Variants in PPP2R2C observed in about 807,000 individuals in gnomAD.
PPP2R2C encodes protein phosphatase 2, regulatory subunit B, gamma.
A neutral mutation model predicts 45.3 loss-of-function variants in PPP2R2C; 10 were observed. The ratio of observed to expected loss-of-function variants is 0.22; its 90% CI spans 0.14 to 0.37. PPP2R2C has a LOEUF of 0.37. Ranked by LOEUF, PPP2R2C falls within the 10% of genes least tolerant of loss-of-function variation. The pLI is 1.00. For synonymous variants in PPP2R2C, 257 were observed against 245.4 expected, an observed-to-expected ratio of 1.05 and a Z score of -0.44; for missense variants, 308 against 619.7, an observed-to-expected ratio of 0.50 and a Z score of 5.34.
intron 1 of PPP2R2C, among the ~76,000 whole-genome samples, chr4:6,540,478 G>C (rs2108831217): frequency 1.3e-5 from 2 of 152,356 alleles, no homozygotes; most frequent in Middle Eastern, 6.8e-3. Flanking sequence ...TTCATCAGTT[G>C]ATGGACATTT....
At chr4:6,389,961 TTGG>T (rs1036160760) in intron 1 of PPP2R2C, among the ~76,000 whole-genome samples, 4 of 151,820 alleles carry the variant, frequency 2.6e-5, no homozygotes, top group African/African-American at 7.3e-5. Flanking sequence ...GGCTGAGGAG[TTGG>T]TGAAGGAGAA....
chr4:6,428,652 G>C (rs1236507793), intron 1 of PPP2R2C, among the ~76,000 whole-genome samples: 1 of 152,184 alleles, frequency 6.6e-6, no homozygotes, highest in Non-Finnish European at 1.5e-5. Flanking sequence ...AACTCAAGAG[G>C]GCCTGATGAA....
chr4:6,484,851 A>T (rs1332298108), intron 2 of PPP2R2C, among the ~76,000 whole-genome samples: 1 of 151,952 alleles, frequency 6.6e-6, no homozygotes, highest in Non-Finnish European at 1.5e-5. Context: ...TTCTACATAA[A>T]TAATCATGTC....
intron 2 of PPP2R2C, among the ~76,000 whole-genome samples, chr4:6,495,512 C>G (rs749878521): frequency 1.3e-5 from 2 of 152,232 alleles, no homozygotes; most frequent in Non-Finnish European, 2.9e-5. Context: ...CCCCCACACT[C>G]TATGTCCTCC....
chr4:6,359,637 AAG>A lies in PPP2R2C; in HGVS notation c.626-11629_626-11628del, dbSNP rs1423164487. On this transcript the variant is annotated intron_variant, in intron 5 of 8. Transcript: ENST00000382599. Reference sequence around the variant, plus strand: ...TTATTTCACCTGTAAAAAAAAAAAAAAGAAACTCCTTCATCTCCTGCTACCAG... The same window carrying A: ...TTATTTCACCTGTAAAAAAAAAAAAAAAACTCCTTCATCTCCTGCTACCAG... 7.7e-4 allele frequency among the ~76,000 whole-genome samples: 116 copies of A among 151,476 alleles called. 3 individuals are homozygous for A. The South Asian group carries it at 0.024, about 31-fold the overall frequency.
intron 1 of PPP2R2C, chr4:6,384,170 G>A: frequency 1.0e-6 from 1 of 985,364 alleles, no homozygotes. Context: ...AGACACATCT[G>A]GGCAGAAGCC....
At chr4:6,515,485 G>C (rs1409920900) in intron 2 of PPP2R2C, among the ~76,000 whole-genome samples, 1 of 152,192 alleles carries the variant, frequency 6.6e-6, no homozygotes, top group East Asian at 1.9e-4. Context: ...CTGGGCAAGA[G>C]ACTCATCTCT....
At chr4:6,542,433 G>A (rs759115481) in intron 1 of PPP2R2C, among the ~76,000 whole-genome samples, 3 of 152,218 alleles carry the variant, frequency 2.0e-5, no homozygotes, top group South Asian at 2.1e-4. Flanking sequence ...GGTGGCTCAC[G>A]CCTGTATCCC....
chr4:6,427,523 C>T (rs1485218951), intron 1 of PPP2R2C, among the ~76,000 whole-genome samples: 3 of 152,198 alleles, frequency 2.0e-5, no homozygotes, highest in African/African-American at 7.2e-5. Flanking sequence ...CTCTGGGCTT[C>T]ACATAGGCTG....
chr4:6,454,783 G>A (rs548970460), intron 1 of PPP2R2C, among the ~76,000 whole-genome samples: 8 of 152,202 alleles, frequency 5.3e-5, no homozygotes, highest in Non-Finnish European at 8.8e-5. Context: ...GAGGCTCAGC[G>A]TCCTGATGTG....
chr4:6,419,630 G>A (rs188253493), intron 1 of PPP2R2C, among the ~76,000 whole-genome samples: 12 of 152,250 alleles, frequency 7.9e-5, no homozygotes, highest in African/African-American at 2.6e-4. Flanking sequence ...ATGTGTCTGG[G>A]TATCAGTGTC....
chr4:6,325,482 G>A (rs547846029), intron 8 of PPP2R2C, among the ~76,000 whole-genome samples: 42 of 152,268 alleles, frequency 2.8e-4, no homozygotes, highest in African/African-American at 9.9e-4. Flanking sequence ...CAGCACAGTG[G>A]GGAGGCAGCC....
At chr4:6,444,732 A>G (rs1280065409) in intron 1 of PPP2R2C, among the ~76,000 whole-genome samples, 2 of 152,232 alleles carry the variant, frequency 1.3e-5, no homozygotes, top group African/African-American at 4.8e-5. Context: ...TCACGCTTCC[A>G]AGCGATGCCT....
chr4:6,471,887 A>G lies in PPP2R2C; in HGVS notation c.70+273T>C, dbSNP rs1721906353. 6.6e-6 allele frequency among the ~76,000 whole-genome samples: 1 copy of G among 151,284 alleles called. No homozygotes were observed. On this transcript the variant is annotated intron_variant, in intron 1 of 8. Coordinates refer to ENST00000382599, the MANE Select transcript of PPP2R2C (RefSeq NM_020416.4). This position sits in a 1 kb window ranked among gnomAD's most constrained non-coding sequence, Gnocchi z 5.6. ...GAATCAGGATGCCACCTGGCTTGGG[A>G]GAGGAAAGCTGCCTCCCGGAGGGCG...
chr4:6,437,397 G>A (rs972023252), intron 1 of PPP2R2C, among the ~76,000 whole-genome samples: 5 of 152,224 alleles, frequency 3.3e-5, no homozygotes, highest in African/African-American at 1.2e-4. Context: ...GGCCTGGCAA[G>A]TCCTTTTGTA....
chr4:6,549,485 CAGA>C (rs1459832293), intron 1 of PPP2R2C, among the ~76,000 whole-genome samples: 1 of 152,222 alleles, frequency 6.6e-6, no homozygotes, highest in African/African-American at 2.4e-5. Context: ...GGCAGAATCA[CAGA>C]AGGTGAGGCC....
chr4:6,441,372 C>T (rs1270691741), intron 1 of PPP2R2C, among the ~76,000 whole-genome samples: 3 of 152,040 alleles, frequency 2.0e-5, no homozygotes, highest in African/African-American at 7.2e-5. Flanking sequence ...CTGGCCCCTC[C>T]AGCTGCAGGG....
chr4:6,341,429 T>G (rs923336637), intron 6 of PPP2R2C, among the ~76,000 whole-genome samples: 17 of 150,824 alleles, frequency 1.1e-4, no homozygotes, highest in African/African-American at 4.2e-4. Context: ...GGAAAAAGAG[T>G]GCAGGTTGAA....
chr4:6,511,243 GTGATGC>G (rs79894855), intron 2 of PPP2R2C, among the ~76,000 whole-genome samples: 113,277 of 144,202 alleles, frequency 0.79, 45,564 homozygotes, highest in East Asian at 0.96. Flanking sequence ...CGTTCCGCTG[GTGATGC>G]TGATGCTGAT....
Sources: gnomAD v4.1 joint callset for allele counts (sites outside exome capture counted in the v4.1 genomes callset) on GRCh38, gnomAD v4.1.1 for gene constraint, Gnocchi (gnomAD v3.1) non-coding constraint, MANE v1.5 for transcripts, NCBI Gene and HGNC (gene_info 2026-07-23, HGNC 2026-07-21) for gene names.